The following HMG20A variants were observed in gnomAD, a reference collection of about 807,000 sequenced individuals.
HMG20A encodes high mobility group protein 20A.
A neutral mutation model predicts 43.9 loss-of-function variants in HMG20A; 17 were observed. The observed-to-expected ratio is 0.39, with a 90% confidence interval of 0.27 to 0.58. HMG20A has a LOEUF of 0.58. HMG20A is among the 20% of genes least tolerant of loss of function. HMG20A has a pLI of 0.59. For missense variants in HMG20A, 341 were observed against 438.2 expected (o/e 0.78, Z 1.98); for synonymous variants, 132 against 147.5 (o/e 0.89, Z 0.76).
At chr15:77,502,340 C>T in the HMG20A span, among the ~76,000 whole-genome samples, 4 of 152,234 alleles carry the variant, frequency 2.6e-5, no homozygotes, top group East Asian at 7.7e-4. Context: ...GTCCCTTGTT[C>T]CCTAAACACA....
At chr15:77,506,419 G>T in the HMG20A span, among the ~76,000 whole-genome samples, 1 of 152,174 alleles carries the variant, frequency 6.6e-6, no homozygotes, top group African/African-American at 2.4e-5. Context: ...TGCTCCGGAG[G>T]CAGTGCGTTC....
intron 1 of HMG20A, among the ~76,000 whole-genome samples, chr15:77,435,649 G>A (rs1302908391): frequency 6.6e-6 from 1 of 152,042 alleles, no homozygotes; most frequent in Non-Finnish European, 1.5e-5. Context: ...TGACTTGAAG[G>A]ACTGTATTAT....
the HMG20A span, among the ~76,000 whole-genome samples, chr15:77,510,090 C>CA: frequency 2.6e-5 from 4 of 152,154 alleles, no homozygotes; most frequent in African/African-American, 9.7e-5. Context: ...TAGCCCCCCA[C>CA]AGGGGCATCT....
the HMG20A span, among the ~76,000 whole-genome samples, chr15:77,492,978 G>A: frequency 1.3e-5 from 2 of 152,106 alleles, no homozygotes; most frequent in Non-Finnish European, 2.9e-5. Context: ...CTGGTGGGGC[G>A]GGTTCACCAG....
chr15:77,487,431 T>C (rs2072951260), downstream of HMG20A, among the ~76,000 whole-genome samples: 1 of 152,174 alleles, frequency 6.6e-6, no homozygotes, highest in East Asian at 1.9e-4. Flanking sequence ...CTCTTGGCCA[T>C]TTGAGAATGA....
chr15:77,478,439 C>G lies in HMG20A; in HGVS notation c.836C>G (p.Thr279Arg), dbSNP rs1339165710. The change falls in exon 8 of 10, where the codon ACA becomes AGA. Residue 279 changes from threonine to arginine, a missense_variant. Physicochemically the swap from Thr to Arg is moderately conservative, Grantham distance 71. Transcript: ENST00000336216. ...VDVIQERSRN[T>R]VLQQHLETLR... ...GTGATCCAGGAGCGGAGCCGCAACA[C>G]AGTCTTACAGCAGCACCTGGAGACC... 1 of 1,612,596 alleles carries G rather than the reference C, an allele frequency of 6.2e-7. No individual in the cohort carries two copies. Among genetic ancestry groups the G allele is most frequent in the Non-Finnish European group, 8.5e-7 (1 of 1,180,036 alleles).
chr15:77,462,212 T>C (rs1053280047), intron 2 of HMG20A, among the ~76,000 whole-genome samples: 3 of 152,180 alleles, frequency 2.0e-5, no homozygotes, highest in Admixed American at 6.5e-5. Flanking sequence ...AGCAGACACT[T>C]TTTGGCCTAT....
intron 7 of HMG20A, 112 bp from the exon 8 acceptor site, chr15:77,478,183 G>T: frequency 1.1e-6 from 1 of 940,690 alleles, no homozygotes; most frequent in Non-Finnish European, 1.7e-6. Flanking sequence ...GGGAGATGAG[G>T]TGGGGTAGCT....
At chr15:77,452,647 C>T (rs1454354965) in intron 1 of HMG20A, among the ~76,000 whole-genome samples, 2 of 151,970 alleles carry the variant, frequency 1.3e-5, no homozygotes, top group East Asian at 3.8e-4. Flanking sequence ...AATTATAAAG[C>T]TCTTAGAAGA....
At chr15:77,454,749 G>A (rs889215138) in intron 1 of HMG20A, among the ~76,000 whole-genome samples, 10 of 152,114 alleles carry the variant, frequency 6.6e-5, no homozygotes, top group Non-Finnish European at 1.5e-4. Context: ...AATCTAAGCT[G>A]GACAGAGAAG....
intron 1 of HMG20A, among the ~76,000 whole-genome samples, chr15:77,456,393 A>G (rs1443984909): frequency 6.6e-6 from 1 of 152,154 alleles, no homozygotes; most frequent in Non-Finnish European, 1.5e-5. Flanking sequence ...GAAAGAAGCC[A>G]GTCAATCCCA....
At chr15:77,424,951 C>T (rs2073410729) in intron 1 of HMG20A, among the ~76,000 whole-genome samples, 1 of 152,106 alleles carries the variant, frequency 6.6e-6, no homozygotes, top group African/African-American at 2.4e-5. Flanking sequence ...AACGGGATCG[C>T]CTCTGGGGGG....
intron 1 of HMG20A, among the ~76,000 whole-genome samples, chr15:77,446,936 T>C (rs2073681279): frequency 6.6e-6 from 1 of 152,204 alleles, no homozygotes; most frequent in African/African-American, 2.4e-5. Context: ...AAATTGACTG[T>C]CACTGAAAAC....
rs188456992 is a variant in HMG20A, at chr15:77,461,636, G to A, written c.90-2604G>A. Among the ~76,000 whole-genome samples the A allele has an allele frequency of 5.3e-5, 8 of 152,280 alleles. No homozygotes were observed. The East Asian group carries it at 1.5e-3, about 29-fold the overall frequency. On this transcript the variant is annotated intron_variant, in intron 2 of 9. Transcript: ENST00000336216. ...ACTTGTCATCAAGAAGGCATGTGAT[G>A]CCTTTGGCCATTCCTGTCCACTTAA...
intron 1 of HMG20A, among the ~76,000 whole-genome samples, chr15:77,443,518 A>G (rs2073639356): frequency 6.8e-6 from 1 of 147,906 alleles, no homozygotes; most frequent in Admixed American, 6.8e-5. Context: ...CAGCCTCTGG[A>G]GTAGCTGGGA....
rs763389211 is a variant in HMG20A at position 77,479,186 on chromosome 15, A to G, written c.915A>G (p.Gly305=). 13 of 1,613,592 alleles carry G rather than the reference A, an allele frequency of 8.1e-6. No homozygotes were observed. In the African/African-American group the frequency reaches 1.7e-4, roughly 22 times the overall value. The change falls in exon 9 of 10, where the codon GGA becomes GGG. Residue 305 remains glycine (G), a synonymous_variant. Coordinates refer to ENST00000336216, the MANE Select transcript of HMG20A (RefSeq NM_001304504.2). ...SFASMPLPGS[G]ETPTVDTIDS... Reference sequence around the variant, plus strand: ...CTTCTTATCTCACTTCAGGAAGTGGAGAGACACCTACAGTGGACACCATTG... The same window carrying G: ...CTTCTTATCTCACTTCAGGAAGTGGGGAGACACCTACAGTGGACACCATTG...
intron 1 of HMG20A, among the ~76,000 whole-genome samples, chr15:77,442,129 A>G (rs79879843): frequency 0.027 from 4,140 of 152,276 alleles, 74 homozygotes; most frequent in Non-Finnish European, 0.043. Flanking sequence ...ACAACCTCAG[A>G]TATATTGTAA....
the HMG20A span, among the ~76,000 whole-genome samples, chr15:77,504,982 T>C: frequency 6.6e-6 from 1 of 152,196 alleles, no homozygotes; most frequent in Non-Finnish European, 1.5e-5. Context: ...ACAGTGTATG[T>C]TAGTTGACTC....
At chr15:77,450,924 G>T (rs2073730017) in intron 1 of HMG20A, among the ~76,000 whole-genome samples, 1 of 152,110 alleles carries the variant, frequency 6.6e-6, no homozygotes, top group South Asian at 2.1e-4. Context: ...ACTATTGTAT[G>T]AATTTCCTCT....
Sources: allele counts gnomAD v4.1 joint callset (sites outside exome capture counted in the v4.1 genomes callset), GRCh38; gene constraint gnomAD v4.1.1; transcripts MANE v1.5; gene names NCBI Gene and HGNC (gene_info 2026-07-23, HGNC 2026-07-21).